RGS7: variants seen among roughly 807,000 people sequenced by gnomAD.
The protein encoded by RGS7 is regulator of G protein signaling 7, also known as regulator of G-protein signaling 7.
A neutral mutation model predicts 81.1 loss-of-function variants in RGS7; 27 were observed. That is an observed-to-expected ratio of 0.33 (90% CI 0.25 to 0.46). The LOEUF (loss-of-function observed/expected upper bound fraction) is 0.46. Among genes scored for constraint, RGS7 ranks in the 20% least tolerant of loss-of-function variants. The probability of loss-of-function intolerance (pLI) is 1.00; values close to 1 mark genes in which losing one functional copy is unlikely to be tolerated. For missense variants in RGS7, 396 were observed against 607.4 expected, an observed-to-expected ratio of 0.65 and a Z score of 3.66; for synonymous variants, 208 against 207.7, an observed-to-expected ratio of 1.00 and a Z score of -0.01.
intron 3 of RGS7, among the ~76,000 whole-genome samples, chr1:241,090,430 T>G (rs2063801397): frequency 6.6e-6 from 1 of 152,162 alleles, no homozygotes; most frequent in Non-Finnish European, 1.5e-5. Flanking sequence ...AGTTTGAGAC[T>G]TCTTTGACAT....
At chr1:240,780,579 T>C (rs1428144683) in intron 18 of RGS7, among the ~76,000 whole-genome samples, 2 of 152,062 alleles carry the variant, frequency 1.3e-5, no homozygotes, top group Non-Finnish European at 2.9e-5. Flanking sequence ...TAAAACTGTT[T>C]CTTTTAAAAC....
intron 2 of RGS7, among the ~76,000 whole-genome samples, chr1:241,124,654 T>G (rs1309726163): frequency 1.3e-5 from 2 of 152,188 alleles, no homozygotes; most frequent in African/African-American, 4.8e-5. Context: ...CTGGGCTTCC[T>G]GCAGAGTGGT....
At chr1:241,322,468 T>C (rs2081267660) in intron 2 of RGS7, among the ~76,000 whole-genome samples, 1 of 152,238 alleles carries the variant, frequency 6.6e-6, no homozygotes, top group Admixed American at 6.5e-5. Flanking sequence ...TAATCTCTAA[T>C]AGCAGCTTAT....
At chr1:240,838,772 T>A (rs1695111732) in intron 9 of RGS7, among the ~76,000 whole-genome samples, 1 of 137,816 alleles carries the variant, frequency 7.3e-6, no homozygotes, top group African/African-American at 2.8e-5. Context: ...TTTTTATTAT[T>A]TTTTTTTTTT....
At chr1:240,978,023 C>T (rs894151674) in intron 4 of RGS7, among the ~76,000 whole-genome samples, 19 of 152,304 alleles carry the variant, frequency 1.2e-4, no homozygotes, top group African/African-American at 4.6e-4. Flanking sequence ...GCAAGGATTA[C>T]TCCCAGGTCC....
chr1:240,865,330 T>A (rs2148004704), intron 9 of RGS7, among the ~76,000 whole-genome samples: 1 of 152,308 alleles, frequency 6.6e-6, no homozygotes, highest in African/African-American at 2.4e-5. Flanking sequence ...GGACAGTCTC[T>A]TAGATATGGA....
chr1:241,091,643 T>C (rs1033348405), intron 3 of RGS7, among the ~76,000 whole-genome samples: 4 of 151,994 alleles, frequency 2.6e-5, no homozygotes, highest in Admixed American at 6.6e-5. Flanking sequence ...CTTAACACTT[T>C]GGGAGGAAGA....
chr1:241,341,870 CTT>C (rs35903618), intron 2 of RGS7, among the ~76,000 whole-genome samples: 1,698 of 89,374 alleles, frequency 0.019, 17 homozygotes, highest in African/African-American at 0.073. Flanking sequence ...CTCTTCAACT[CTT>C]TTTTTTTTTT....
intron 18 of RGS7, among the ~76,000 whole-genome samples, chr1:240,793,451 C>T (rs1221634758): frequency 6.6e-6 from 1 of 151,668 alleles, no homozygotes; most frequent in Non-Finnish European, 1.5e-5. Context: ...GAGATGGTTT[C>T]AGGTCCACAG....
intron 18 of RGS7, among the ~76,000 whole-genome samples, chr1:240,799,972 C>T (rs1472624166): frequency 6.6e-6 from 1 of 152,170 alleles, no homozygotes; most frequent in East Asian, 1.9e-4. Flanking sequence ...AACCATTTGA[C>T]TTCCCCTTTC....
At chr1:241,141,132 G>A (rs1026999022) in intron 2 of RGS7, among the ~76,000 whole-genome samples, 19 of 152,178 alleles carry the variant, frequency 1.2e-4, no homozygotes, top group Admixed American at 9.8e-4. Flanking sequence ...GCGTTTTTTA[G>A]TAGATGTTCT....
intron 3 of RGS7, among the ~76,000 whole-genome samples, chr1:241,018,088 T>C (rs1355217337): frequency 1.3e-5 from 2 of 151,688 alleles, no homozygotes; most frequent in Non-Finnish European, 2.9e-5. Context: ...TACCTTAGCC[T>C]CTGGAGTAGC....
chr1:241,259,667 A>AAAAAAAAAAAAAAAAAATATATAT, intron 2 of RGS7, among the ~76,000 whole-genome samples: 2 of 49,142 alleles, frequency 4.1e-5, no homozygotes, highest in African/African-American at 1.6e-4. Flanking sequence ...AAAAAAAAAA[A>AAAAAAAAAAAAAAAAAATATATAT]ATATATATAT....
At chr1:241,266,083 C>T (rs866238573) in intron 2 of RGS7, among the ~76,000 whole-genome samples, 11 of 152,052 alleles carry the variant, frequency 7.2e-5, no homozygotes, top group Non-Finnish European at 1.3e-4. Context: ...CATAAGCCAC[C>T]GCGCCTGGCC....
rs74670571 is a variant in RGS7, at chr1:241,031,075, G to A, written c.176-47946C>T. ...TTTAGTAGAACCATCACTCAAATTA[G>A]GTACATTGTACTCATTAAGTAATTT... is the stretch of plus-strand genomic sequence containing the variant. On this transcript the variant is annotated intron_variant, in intron 3 of 18. Coordinates refer to ENST00000440928, the MANE Select transcript of RGS7 (RefSeq NM_001364886.1). 7.9e-3 allele frequency among the ~76,000 whole-genome samples: 1,208 copies of A among 152,196 alleles called. 17 individuals carry two copies. The highest frequency in any genetic ancestry group is 0.027 in the African/African-American group (1,141 of 41,534).
intron 6 of RGS7, among the ~76,000 whole-genome samples, chr1:240,876,391 C>T (rs1302067394): frequency 3.3e-5 from 5 of 152,106 alleles, no homozygotes; most frequent in Non-Finnish European, 5.9e-5. Flanking sequence ...GCCCTTAGAC[C>T]CTTGATGTGA....
intron 4 of RGS7, among the ~76,000 whole-genome samples, chr1:240,978,455 A>T (rs1572094231): frequency 6.6e-6 from 1 of 152,320 alleles, no homozygotes; most frequent in East Asian, 1.9e-4. Flanking sequence ...AACTAGAAAA[A>T]AATAAGAAAA....
chr1:240,864,238 G>A (rs530141841), intron 9 of RGS7, among the ~76,000 whole-genome samples: 5 of 152,194 alleles, frequency 3.3e-5, no homozygotes, highest in African/African-American at 1.2e-4. Context: ...AGAATAAAAG[G>A]TATCATTACA....
chr1:241,278,384 T>G (rs1030411313), intron 2 of RGS7, among the ~76,000 whole-genome samples: 13 of 152,262 alleles, frequency 8.5e-5, no homozygotes, highest in African/African-American at 3.1e-4. Context: ...TTGTTTTTTC[T>G]AATCTATTCT....
Sources: allele counts gnomAD v4.1 joint callset (sites outside exome capture counted in the v4.1 genomes callset), GRCh38; gene constraint gnomAD v4.1.1; transcripts MANE v1.5; gene names NCBI Gene and HGNC (gene_info 2026-07-23, HGNC 2026-07-21).